MAST2: variants seen among roughly 807,000 people sequenced by gnomAD.
MAST2 encodes microtubule-associated serine/threonine-protein kinase 2.
Under a neutral mutation model 147.4 loss-of-function variants are expected in MAST2, and 70 were observed. The ratio of observed to expected loss-of-function variants is 0.47; its 90% CI spans 0.39 to 0.58. The LOEUF (loss-of-function observed/expected upper bound fraction) is 0.58. Ranked by LOEUF, MAST2 falls within the 20% of genes least tolerant of loss-of-function variation. The pLI, the probability that MAST2 is intolerant of heterozygous loss-of-function variation, is 0.00. For synonymous variants in MAST2, 869 were observed against 896.8 expected, an observed-to-expected ratio of 0.97 and a Z score of 0.55; for missense variants, 2,080 against 2,302.3, an observed-to-expected ratio of 0.90 and a Z score of 1.98.
intron 1 of MAST2, among the ~76,000 whole-genome samples, chr1:45,820,832 T>G (rs925539214): frequency 4.1e-5 from 5 of 123,190 alleles, no homozygotes; most frequent in African/African-American, 1.5e-4. Context: ...GGACTCTGTC[T>G]GCTTTTTTTT....
intron 4 of MAST2, among the ~76,000 whole-genome samples, chr1:45,952,176 T>TA (rs1257756318): frequency 6.6e-6 from 1 of 152,200 alleles, no homozygotes; most frequent in African/African-American, 2.4e-5. Flanking sequence ...ACAACCCAAA[T>TA]ACCTTGTCAT....
chr1:45,811,321 AATTTTTGT>A (rs1164299307), intron 1 of MAST2, among the ~76,000 whole-genome samples: 1 of 142,614 alleles, frequency 7.0e-6, no homozygotes, highest in Non-Finnish European at 1.5e-5. Flanking sequence ...ACGCCCAGCT[AATTTTTGT>A]ATTTTTGTAT....
At chr1:46,033,704 G>A (rs929032150) in intron 26 of MAST2, 98 bp from the exon 27 acceptor site, 12 of 1,472,040 alleles carry the variant, frequency 8.2e-6, no homozygotes, top group Non-Finnish European at 1.1e-5. Context: ...CAAAAAGCTG[G>A]AGCTGTGGTA....
chr1:45,959,061 A>G (rs1423762008), intron 4 of MAST2, among the ~76,000 whole-genome samples: 1 of 152,328 alleles, frequency 6.6e-6, no homozygotes, highest in South Asian at 2.1e-4. Flanking sequence ...TGCAGTGGTC[A>G]TTCTTCATTA....
intron 10 of MAST2, among the ~76,000 whole-genome samples, chr1:46,018,978 A>G (rs1407008136): frequency 1.3e-5 from 2 of 152,126 alleles, no homozygotes; most frequent in African/African-American, 4.8e-5. Context: ...TCACTTATTC[A>G]TTGTAATTTT....
intron 3 of MAST2, among the ~76,000 whole-genome samples, chr1:45,842,678 C>T (rs1457697510): frequency 6.6e-6 from 1 of 152,178 alleles, no homozygotes; most frequent in East Asian, 1.9e-4. Flanking sequence ...ATGTGTCCAA[C>T]ACAACTTTTT....
intron 4 of MAST2, among the ~76,000 whole-genome samples, chr1:45,920,049 G>A (rs567550153): frequency 6.6e-6 from 1 of 152,144 alleles, no homozygotes; most frequent in African/African-American, 2.4e-5. Flanking sequence ...GGCAGCACTT[G>A]AGGCTAATTT....
intron 15 of MAST2, among the ~76,000 whole-genome samples, chr1:46,024,667 A>G (rs1183953329): frequency 6.6e-6 from 1 of 152,230 alleles, no homozygotes; most frequent in Non-Finnish European, 1.5e-5. Flanking sequence ...TCTCAGCCAG[A>G]TGTGTTTACA....
chr1:45,921,475 C>T (rs1182538554), intron 4 of MAST2, among the ~76,000 whole-genome samples: 1 of 152,142 alleles, frequency 6.6e-6, no homozygotes, highest in Non-Finnish European at 1.5e-5. Context: ...TCCCATGCCT[C>T]CAAAGAGACT....
chr1:45,980,037 C>T lies in MAST2; in HGVS notation c.593-17687C>T, dbSNP rs148962909. On this transcript the variant is annotated intron_variant, in intron 5 of 28. Coordinates refer to ENST00000361297, the MANE Select transcript of MAST2 (RefSeq NM_015112.3). ...GCAATGGCTCACGCCTGTAATCCAG[C>T]ACTTTGGGAGGCCGAGGCAGGTGGA... 2.0e-3 allele frequency among the ~76,000 whole-genome samples: 306 copies of T among 152,256 alleles called. 2 individuals carry two copies. Among genetic ancestry groups the T allele is most frequent in the African/African-American group, 6.5e-3 (272 of 41,556 alleles).
At chr1:45,968,201 G>T (rs1328770527) in intron 5 of MAST2, among the ~76,000 whole-genome samples, 1 of 152,184 alleles carries the variant, frequency 6.6e-6, no homozygotes, top group Non-Finnish European at 1.5e-5. Flanking sequence ...CCTATATTAT[G>T]TTGAACAGAC....
chr1:45,907,061 A>G (rs187859597), intron 4 of MAST2, among the ~76,000 whole-genome samples: 3 of 152,282 alleles, frequency 2.0e-5, no homozygotes, highest in Non-Finnish European at 4.4e-5. Flanking sequence ...GTGGTAGGCT[A>G]TACCATCTAG....
At position 45,882,362 on chromosome 1, in the gene MAST2, A is replaced by G; in HGVS notation, c.469-2A>G. On this transcript the variant is annotated splice_acceptor_variant, in intron 3 of 28. Coordinates refer to ENST00000361297, the MANE Select transcript of MAST2 (RefSeq NM_015112.3). LOFTEE classifies it high-confidence loss of function. The stretch of plus-strand genomic sequence containing the variant: ...CTAACTTGCATATGTTTTGTTTTTC[A>G]GAAGGAGTTGAGCCTTCCAAGAAGA... 4 of 1,612,026 alleles carry G rather than the reference A, an allele frequency of 2.5e-6. No homozygotes were observed. In the South Asian group the frequency reaches 3.3e-5, roughly 13 times the overall value.
rs547951678 is a variant in MAST2, at chr1:45,860,223, CACACACACAA to C, written c.469-22139_469-22130del. On this transcript the variant is annotated intron_variant, in intron 3 of 28. Coordinates refer to ENST00000361297, the MANE Select transcript of MAST2 (RefSeq NM_015112.3). The stretch of plus-strand genomic sequence containing the variant: ...AAATACACACACACACACACACACA[CACACACACAA>C]ATTAGCCAGGAGTGGTGGCGGGCAC... Among the ~76,000 whole-genome samples the C allele has an allele frequency of 4.6e-4, 70 of 151,360 alleles. No homozygotes were observed. The South Asian group carries it at 0.01, about 22-fold the overall frequency.
chr1:45,988,508 G>A (rs1044393985), intron 5 of MAST2, among the ~76,000 whole-genome samples: 33 of 152,260 alleles, frequency 2.2e-4, no homozygotes, highest in Non-Finnish European at 4.0e-4. Context: ...ATGACTCAGA[G>A]TGTGATCTTT....
chr1:45,961,605 G>C (rs1159477021), intron 5 of MAST2, among the ~76,000 whole-genome samples: 1 of 152,162 alleles, frequency 6.6e-6, no homozygotes, highest in African/African-American at 2.4e-5. Flanking sequence ...GTTAGCATCT[G>C]TATTATCTCT....
intron 10 of MAST2, among the ~76,000 whole-genome samples, chr1:46,015,632 T>C (rs1431491865): frequency 6.6e-6 from 1 of 152,082 alleles, no homozygotes; most frequent in Admixed American, 6.5e-5. Context: ...CAGGAAGAAG[T>C]TGAATCTCTG....
chr1:45,882,326 G>A, intron 3 of MAST2, 38 bp from the exon 4 acceptor site: 4 of 1,544,998 alleles, frequency 2.6e-6, no homozygotes, highest in Non-Finnish European at 2.7e-6. Context: ...GACTCAGATG[G>A]GTTCTTATTT....
intron 4 of MAST2, among the ~76,000 whole-genome samples, chr1:45,906,808 CCACT>C (rs1221203263): frequency 1.2e-4 from 18 of 151,962 alleles, no homozygotes; most frequent in Admixed American, 1.0e-3. Flanking sequence ...CATTTACTCA[CCACT>C]CACTCAGTCA....
Sources: gnomAD v4.1 joint callset for allele counts (sites outside exome capture counted in the v4.1 genomes callset) on GRCh38, gnomAD v4.1.1 for gene constraint, MANE v1.5 for transcripts, NCBI Gene and HGNC (gene_info 2026-07-23, HGNC 2026-07-21) for gene names.